The following NAA11 variants were observed in gnomAD, a reference collection of about 807,000 sequenced individuals.
The protein encoded by NAA11 is N-alpha-acetyltransferase 11, NatA catalytic subunit, also known as N-alpha-acetyltransferase 11.
In NAA11, 15 loss-of-function variants were observed where a neutral mutation model predicts 16.1. The ratio of observed to expected loss-of-function variants is 0.93; its 90% CI spans 0.62 to 1.44. The LOEUF is 1.44. Ranked by LOEUF, NAA11 falls within the 40% of genes most tolerant of loss-of-function variation. The pLI is 0.00. For missense variants in NAA11, 298 were observed against 291.3 expected (o/e 1.02, Z -0.17); for synonymous variants, 122 against 112.4 (o/e 1.09, Z -0.54).
chr4:79,193,627 A>G, the NAA11 span, among the ~76,000 whole-genome samples: 1 of 152,130 alleles, frequency 6.6e-6, no homozygotes, highest in Admixed American at 6.5e-5. Context: ...TGGTTACTGT[A>G]GCCTTGTGGT....
chr4:79,271,891 A>G (rs781018150), intron 2 of NAA11, among the ~76,000 whole-genome samples: 3 of 151,932 alleles, frequency 2.0e-5, no homozygotes, highest in Non-Finnish European at 2.9e-5. Context: ...GTTCTAATGC[A>G]GTAGTCTTCT....
chr4:79,296,279 G>C (rs1723219026), intron 1 of NAA11, among the ~76,000 whole-genome samples: 1 of 152,178 alleles, frequency 6.6e-6, no homozygotes, highest in Non-Finnish European at 1.5e-5. Context: ...CACAAAGAAG[G>C]TAAGCAACTT....
intron 2 of NAA11, among the ~76,000 whole-genome samples, chr4:79,281,220 A>G (rs1722778037): frequency 6.6e-6 from 1 of 151,984 alleles, no homozygotes; most frequent in Admixed American, 6.6e-5. Flanking sequence ...TCTGAAAAGC[A>G]TTTAACTATT....
intron 2 of NAA11, among the ~76,000 whole-genome samples, chr4:79,256,393 G>C (rs1016509873): frequency 6.6e-6 from 1 of 151,808 alleles, no homozygotes; most frequent in African/African-American, 2.4e-5. Flanking sequence ...TTCACCTACA[G>C]TTCAGTTCAG....
chr4:79,182,474 G>A, the NAA11 span, among the ~76,000 whole-genome samples: 2 of 152,184 alleles, frequency 1.3e-5, no homozygotes, highest in Admixed American at 6.5e-5. Context: ...AATTTATGGT[G>A]ACATTTACTG....
intron 2 of NAA11, among the ~76,000 whole-genome samples, chr4:79,271,688 A>C (rs1471846252): frequency 2.0e-5 from 3 of 152,108 alleles, no homozygotes; most frequent in Non-Finnish European, 4.4e-5. Context: ...GACCAAATTA[A>C]GAAAACAATG....
At chr4:79,200,700 T>C in the NAA11 span, among the ~76,000 whole-genome samples, 1 of 151,930 alleles carries the variant, frequency 6.6e-6, no homozygotes, top group African/African-American at 2.4e-5. Context: ...ATAAAAATAG[T>C]TTAATTATAA....
intron 2 of NAA11, among the ~76,000 whole-genome samples, chr4:79,242,758 C>T (rs1449412417): frequency 6.6e-6 from 1 of 152,186 alleles, no homozygotes; most frequent in Non-Finnish European, 1.5e-5. Flanking sequence ...TTATTATCCA[C>T]TTTGGGGTTC....
intron 2 of NAA11, among the ~76,000 whole-genome samples, chr4:79,276,677 G>C (rs1376123442): frequency 6.6e-6 from 1 of 152,132 alleles, no homozygotes; most frequent in Non-Finnish European, 1.5e-5. Context: ...TGGCACTTGT[G>C]CTTTAGTCCA....
the NAA11 span, among the ~76,000 whole-genome samples, chr4:79,159,883 TTTC>T: frequency 2.6e-5 from 4 of 152,190 alleles, no homozygotes; most frequent in Non-Finnish European, 4.4e-5. Context: ...TGTCAGTTTT[TTTC>T]TTCTTTTATT....
intron 2 of NAA11, among the ~76,000 whole-genome samples, chr4:79,257,706 A>G (rs1453661599): frequency 6.6e-6 from 1 of 151,952 alleles, no homozygotes; most frequent in African/African-American, 2.4e-5. Flanking sequence ...CTGTCACCTA[A>G]TTTCTGAGTT....
the NAA11 span, among the ~76,000 whole-genome samples, chr4:79,184,486 T>A: frequency 6.6e-6 from 1 of 152,200 alleles, no homozygotes; most frequent in Non-Finnish European, 1.5e-5. Context: ...GTAAGTAATA[T>A]AAGAACTTCT....
At chr4:79,161,487 GT>G in the NAA11 span, among the ~76,000 whole-genome samples, 1 of 152,046 alleles carries the variant, frequency 6.6e-6, no homozygotes, top group African/African-American at 2.4e-5. Flanking sequence ...TTCCAAGGGT[GT>G]TTTTTGCTAT....
downstream of NAA11, among the ~76,000 whole-genome samples, chr4:79,313,967 T>C (rs964340450): frequency 6.6e-6 from 1 of 152,150 alleles, no homozygotes; most frequent in Non-Finnish European, 1.5e-5. Context: ...AATTTCATGG[T>C]GTGATTTGTG....
intron 2 of NAA11, among the ~76,000 whole-genome samples, chr4:79,261,770 A>C (rs1483478583): frequency 6.6e-6 from 1 of 152,174 alleles, no homozygotes; most frequent in Non-Finnish European, 1.5e-5. Context: ...TCTGCAAGGA[A>C]TTTTCCTTTA....
chr4:79,179,890 A>C, the NAA11 span, among the ~76,000 whole-genome samples: 2 of 152,236 alleles, frequency 1.3e-5, no homozygotes, highest in Non-Finnish European at 2.9e-5. Context: ...GAAACTTACA[A>C]TCATAGCGGA....
the NAA11 span, among the ~76,000 whole-genome samples, chr4:79,182,873 T>G: frequency 3.3e-5 from 5 of 152,166 alleles, no homozygotes; most frequent in Admixed American, 3.3e-4. Flanking sequence ...GATTATTTCA[T>G]CTAATCAATC....
At chr4:79,227,539 T>C (rs1473095314) in intron 2 of NAA11, 15 of 151,886 alleles carry the variant, frequency 9.9e-5, no homozygotes, top group Admixed American at 9.9e-4. Context: ...ATGAAGACAG[T>C]GGTGTCCCAG....
chr4:79,272,019 TAC>T (rs1722505935), intron 2 of NAA11, among the ~76,000 whole-genome samples: 1 of 151,768 alleles, frequency 6.6e-6, no homozygotes, highest in Non-Finnish European at 1.5e-5. Context: ...CACATATATA[TAC>T]ACACACATAT....
Sources: allele counts gnomAD v4.1 joint callset (sites outside exome capture counted in the v4.1 genomes callset), GRCh38; gene constraint gnomAD v4.1.1; transcripts MANE v1.5; gene names NCBI Gene and HGNC (gene_info 2026-07-23, HGNC 2026-07-21).